The following AUH variants were observed in gnomAD, a reference collection of about 807,000 sequenced individuals.
The protein encoded by AUH is AU RNA binding methylglutaconyl-CoA hydratase, also known as methylglutaconyl-CoA hydratase, mitochondrial.
AUH carries 29 observed loss-of-function variants against 42.3 expected under a neutral mutation model. The observed-to-expected ratio is 0.69, with a 90% CI of 0.51 to 0.93. The LOEUF (loss-of-function observed/expected upper bound fraction) is 0.93. Ranked by LOEUF, AUH falls within the 40% of genes least tolerant of loss-of-function variation. The probability of loss-of-function intolerance (pLI) is 0.00; values close to 1 mark genes in which losing one functional copy is unlikely to be tolerated. For synonymous variants in AUH, 174 were observed against 166.4 expected, an observed-to-expected ratio of 1.05 and a Z score of -0.35; for missense variants, 452 against 438.1, an observed-to-expected ratio of 1.03 and a Z score of -0.28.
At chr9:91,251,450 T>C (rs1473722956) in intron 6 of AUH, among the ~76,000 whole-genome samples, 1 of 152,232 alleles carries the variant, frequency 6.6e-6, no homozygotes, top group East Asian at 1.9e-4. Flanking sequence ...TTACTCATGA[T>C]GGGTCTTTAC....
intron 6 of AUH, among the ~76,000 whole-genome samples, chr9:91,264,865 T>TATACACCTATATACAC (rs1829887638): frequency 6.6e-6 from 1 of 152,328 alleles, no homozygotes; most frequent in South Asian, 2.1e-4. Flanking sequence ...CTATCTCATA[T>TATACACCTATATACAC]ATATCTATAT....
At position 91,273,057 on chromosome 9, in the gene AUH, G is replaced by C. The variant is rs1825276574; in HGVS notation, c.655+22964C>G. On this transcript the variant is annotated intron_variant, in intron 6 of 9. Coordinates refer to ENST00000375731, the MANE Select transcript of AUH (RefSeq NM_001698.3). ...TTAGCTGAAGAAGAATTTGCTGAAA[G>C]GTTTTTGGGTGGCCCCCGAAACTAC... 2.0e-5 allele frequency among the ~76,000 whole-genome samples: 3 copies of C among 152,188 alleles called. No individual in the cohort carries two copies. The South Asian group carries it at 6.2e-4, about 31-fold the overall frequency.
At chr9:91,242,857 A>C (rs2131347234) in intron 6 of AUH, among the ~76,000 whole-genome samples, 1 of 152,354 alleles carries the variant, frequency 6.6e-6, no homozygotes, top group Non-Finnish European at 1.5e-5. Flanking sequence ...AAAATATTTC[A>C]TGTTACCTAG....
chr9:91,252,223 CCA>C (rs1167601101), intron 6 of AUH, among the ~76,000 whole-genome samples: 1 of 152,072 alleles, frequency 6.6e-6, no homozygotes. Flanking sequence ...CCTCGGCCTC[CCA>C]AAGTGCTGGG....
intron 6 of AUH, among the ~76,000 whole-genome samples, chr9:91,281,422 GT>G (rs1351927829): frequency 1.3e-5 from 2 of 152,062 alleles, no homozygotes; most frequent in Non-Finnish European, 2.9e-5. Context: ...CCATTTCTGT[GT>G]TTCAGGATGC....
At chr9:91,241,051 T>G (rs1828487510) in intron 6 of AUH, among the ~76,000 whole-genome samples, 1 of 152,144 alleles carries the variant, frequency 6.6e-6, no homozygotes, top group South Asian at 2.1e-4. Context: ...AAGGAAGACA[T>G]TCAGAATCTA....
intron 6 of AUH, among the ~76,000 whole-genome samples, chr9:91,273,402 C>T (rs1235539585): frequency 1.3e-5 from 2 of 152,200 alleles, no homozygotes; most frequent in Non-Finnish European, 2.9e-5. Context: ...CAGTTATCTC[C>T]TAATAGCTGC....
intron 3 of AUH, among the ~76,000 whole-genome samples, chr9:91,337,138 G>A (rs1224449247): frequency 6.6e-6 from 1 of 152,140 alleles, no homozygotes; most frequent in East Asian, 1.9e-4. Context: ...TGCCCACAGA[G>A]CAGAGATTAT....
Position 91,214,250 on chromosome 9 carries a change from G to A in AUH, c.*98C>T. Reference sequence around the variant, plus strand: ...TATGAATAATCTGCTCTTCACTTTGGTCATTAAGGTTCCATGTGCTGAGGC... The same window carrying A: ...TATGAATAATCTGCTCTTCACTTTGATCATTAAGGTTCCATGTGCTGAGGC... On this transcript the variant is annotated 3_prime_UTR_variant, in exon 10 of 10. Transcript: ENST00000375731. 9.8e-7 allele frequency: 1 copy of A among 1,016,352 alleles called. No individual in the cohort carries two copies. The highest frequency in any genetic ancestry group is 1.5e-6 in the Non-Finnish European group (1 of 666,020). The allele number at this position is 1,016,352 out of a possible 1,614,324, so 63.0% of individuals were successfully genotyped here. A position where few individuals can be genotyped will look rare whatever the true frequency, so the allele number is the denominator to read the frequency against.
chr9:91,314,402 G>A (rs960877689), intron 4 of AUH, among the ~76,000 whole-genome samples: 10 of 150,942 alleles, frequency 6.6e-5, no homozygotes, highest in Non-Finnish European at 1.3e-4. Context: ...AGGATCACTT[G>A]AGCCCCGGAG....
At chr9:91,216,025 T>C (rs1239333048) in intron 9 of AUH, 34 bp downstream of exon 9, 1 of 1,578,720 alleles carries the variant, frequency 6.3e-7, no homozygotes, top group Non-Finnish European at 8.7e-7. Flanking sequence ...TTTGTAAGGG[T>C]CATCCTCATT....
At chr9:91,302,165 A>C (rs1827833051) in intron 4 of AUH, among the ~76,000 whole-genome samples, 1 of 150,320 alleles carries the variant, frequency 6.7e-6, no homozygotes, top group African/African-American at 2.5e-5. Flanking sequence ...ACTTGGGAGC[A>C]CTTAATAATC....
chr9:91,237,659 T>C (rs999395322), intron 6 of AUH, among the ~76,000 whole-genome samples: 1 of 151,896 alleles, frequency 6.6e-6, no homozygotes, highest in Non-Finnish European at 1.5e-5. Flanking sequence ...AAAATCTTTA[T>C]TGATGCTCAA....
intron 1 of AUH, among the ~76,000 whole-genome samples, chr9:91,358,870 G>T (rs548339091): frequency 6.6e-6 from 1 of 152,280 alleles, no homozygotes; most frequent in African/African-American, 2.4e-5. Context: ...AAATGTATCT[G>T]TAGGCTTTTG....
At chr9:91,303,221 A>C (rs940703533) in intron 4 of AUH, among the ~76,000 whole-genome samples, 2 of 152,244 alleles carry the variant, frequency 1.3e-5, no homozygotes, top group Non-Finnish European at 2.9e-5. Context: ...GGAAAATTAA[A>C]GTATCTACTT....
chr9:91,317,911 A>T (rs1206266172), intron 4 of AUH, among the ~76,000 whole-genome samples: 1 of 152,160 alleles, frequency 6.6e-6, no homozygotes, highest in African/African-American at 2.4e-5. Flanking sequence ...GGCTAACATC[A>T]TGAGTTAAAA....
intron 3 of AUH, among the ~76,000 whole-genome samples, chr9:91,342,091 C>T (rs991780589): frequency 6.6e-6 from 1 of 152,204 alleles, no homozygotes; most frequent in African/African-American, 2.4e-5. Context: ...CAAATAACTA[C>T]AAGCTTAAAG....
rs530098683 is a variant in AUH, at chr9:91,331,104, ACT to A, written c.419-5702_419-5701del. Reference sequence around the variant, plus strand: ...AATTTTTTCCTCCTTTTTACGCCAAACTCTTCAGAAGACCTGCCTCCCATGCT... The same window carrying A: ...AATTTTTTCCTCCTTTTTACGCCAAACTTCAGAAGACCTGCCTCCCATGCT... On this transcript the variant is annotated intron_variant, in intron 3 of 9. Coordinates refer to ENST00000375731, the MANE Select transcript of AUH (RefSeq NM_001698.3). 1.7e-3 allele frequency among the ~76,000 whole-genome samples: 254 copies of A among 151,970 alleles called. 1 individual carries two copies. The highest frequency in any genetic ancestry group is 3.9e-3 in the Admixed American group (59 of 15,244).
intron 4 of AUH, among the ~76,000 whole-genome samples, chr9:91,302,586 T>A (rs1004604939): frequency 2.0e-5 from 3 of 150,816 alleles, no homozygotes; most frequent in Admixed American, 6.6e-5. Context: ...TGAAACTCCA[T>A]CTCAAAAAAA....
Sources: gnomAD v4.1 joint callset for allele counts (sites outside exome capture counted in the v4.1 genomes callset) on GRCh38, gnomAD v4.1.1 for gene constraint, MANE v1.5 for transcripts, NCBI Gene and HGNC (gene_info 2026-07-23, HGNC 2026-07-21) for gene names.